CLOCK: variants seen among roughly 807,000 people sequenced by gnomAD.
The protein encoded by CLOCK is circadian locomoter output cycles protein kaput.
CLOCK carries 43 observed loss-of-function variants against 118.4 expected under a neutral mutation model. That is an observed-to-expected ratio of 0.36 (90% CI 0.28 to 0.47). The LOEUF (loss-of-function observed/expected upper bound fraction) is 0.47, where lower values mean the gene tolerates loss of function less well. CLOCK is among the 20% of genes least tolerant of loss of function. CLOCK has a pLI of 1.00. For missense variants in CLOCK, 846 were observed against 999.9 expected (o/e 0.85, Z 2.08); for synonymous variants, 326 against 339.2 (o/e 0.96, Z 0.43).
Position 55,530,829 on chromosome 4 carries a change from TA to T in CLOCK, c.-290+15952del, listed in dbSNP as rs1326599374. On this transcript the variant is annotated intron_variant, in intron 1 of 22. Coordinates refer to ENST00000513440, the MANE Select transcript of CLOCK (RefSeq NM_004898.4). ...TCCAGCTAAAAAAGGAAGAATGCTA[TA>T]AAAGAGGAAGATGTCGCATCTAAGA... 1.1e-4 allele frequency among the ~76,000 whole-genome samples: 10 copies of T among 91,768 alleles called. No individual in the cohort carries two copies. The South Asian group carries it at 3.4e-3, about 31-fold the overall frequency. 60.2% of individuals were successfully genotyped at this position (91,768 alleles called of 152,430 possible). A position where few individuals can be genotyped will look rare whatever the true frequency, so the allele number is the denominator to read the frequency against.
chr4:55,509,152 T>C (rs947700130), intron 2 of CLOCK, among the ~76,000 whole-genome samples: 1 of 152,194 alleles, frequency 6.6e-6, no homozygotes, highest in African/African-American at 2.4e-5. Flanking sequence ...ATGGCCATGA[T>C]GTTACCAGGC....
intron 1 of CLOCK, among the ~76,000 whole-genome samples, chr4:55,533,740 T>C (rs1359128898): frequency 6.6e-6 from 1 of 151,620 alleles, no homozygotes; most frequent in Non-Finnish European, 1.5e-5. Flanking sequence ...CCATCTCTAC[T>C]AATAGCACAA....
intron 2 of CLOCK, among the ~76,000 whole-genome samples, chr4:55,499,882 C>T (rs765007607): frequency 5.3e-5 from 8 of 152,130 alleles, no homozygotes; most frequent in Non-Finnish European, 8.8e-5. Flanking sequence ...AGGGAATCTC[C>T]CCCCAAACTA....
At chr4:55,491,538 C>T (rs888472393) in intron 2 of CLOCK, among the ~76,000 whole-genome samples, 17 of 151,830 alleles carry the variant, frequency 1.1e-4, no homozygotes, top group Non-Finnish European at 1.9e-4. Flanking sequence ...TTTGAGACAA[C>T]TCAATAAATA....
intron 4 of CLOCK, among the ~76,000 whole-genome samples, chr4:55,481,235 T>G (rs1435729599): frequency 6.6e-6 from 1 of 151,808 alleles, no homozygotes; most frequent in Non-Finnish European, 1.5e-5. Flanking sequence ...ATGGTGGAGG[T>G]GCATGTATGA....
In CLOCK at chr4:55,433,708, T is replaced by C. The variant is rs887648530; in HGVS notation, c.*1707A>G. On this transcript the variant is annotated 3_prime_UTR_variant, in exon 23 of 23. Coordinates refer to ENST00000513440, the MANE Select transcript of CLOCK (RefSeq NM_004898.4). ...TCCTCTTTTGTTCTATCACTGTAAA[T>C]TTCATTAGTACCATAAAATCTGTAA... 4 of 152,198 alleles carry C rather than the reference T, an allele frequency of 2.6e-5. No individual in the cohort carries two copies. The highest frequency in any genetic ancestry group is 7.2e-5 in the African/African-American group (3 of 41,444). 9.4% of individuals were successfully genotyped at this position (152,198 alleles called of 1,614,324 possible). A position where few individuals can be genotyped will look rare whatever the true frequency, so the allele number is the denominator to read the frequency against.
intron 2 of CLOCK, among the ~76,000 whole-genome samples, chr4:55,490,548 C>T (rs1189066017): frequency 6.6e-6 from 1 of 151,974 alleles, no homozygotes; most frequent in African/African-American, 2.4e-5. Context: ...TTCCAGGACC[C>T]CCCACCAAAT....
chr4:55,491,092 A>G (rs1224687333), intron 2 of CLOCK, among the ~76,000 whole-genome samples: 1 of 152,136 alleles, frequency 6.6e-6, no homozygotes, highest in Non-Finnish European at 1.5e-5. Flanking sequence ...GAAGACATCA[A>G]AAGAGAAATT....
chr4:55,543,706 A>G (rs1454614699), intron 1 of CLOCK, among the ~76,000 whole-genome samples: 2 of 151,988 alleles, frequency 1.3e-5, no homozygotes, highest in African/African-American at 4.8e-5. Context: ...TGAACCTGGG[A>G]GCCGGAGGTT....
intron 2 of CLOCK, among the ~76,000 whole-genome samples, chr4:55,497,380 T>C (rs904989339): frequency 5.3e-5 from 8 of 152,210 alleles, no homozygotes; most frequent in African/African-American, 1.9e-4. Flanking sequence ...GTTAACTGAT[T>C]AGCAACCTTA....
rs923627800 is a variant in CLOCK at position 55,453,789 on chromosome 4, TATA to T, written c.1015_1017del (p.Tyr339del). ...CACTGTTGCCCCTTAGTCAGGAACCTATAATAACATGATTTGCCTTTCCCATAT... is the reference window on the plus strand; with the variant it reads ...CACTGTTGCCCCTTAGTCAGGAACCTATAACATGATTTGCCTTTCCCATAT... On this transcript the variant is annotated inframe_deletion, in exon 14 of 23. Transcript: ENST00000513440. 5.0e-6 allele frequency: 8 copies of T among 1,607,862 alleles called. No individual in the cohort carries two copies. Among genetic ancestry groups the T allele is most frequent in the Non-Finnish European group, 6.8e-6 (8 of 1,176,728 alleles).
intron 2 of CLOCK, among the ~76,000 whole-genome samples, chr4:55,496,254 T>C (rs759297458): frequency 4.2e-5 from 6 of 143,844 alleles, no homozygotes; most frequent in African/African-American, 1.5e-4. Flanking sequence ...AACTTATTTA[T>C]GTTGGGTCTT....
chr4:55,544,165 GACAC>G (rs35842826), intron 1 of CLOCK, among the ~76,000 whole-genome samples: 96,281 of 148,070 alleles, frequency 0.65, 32,057 homozygotes, highest in East Asian at 0.81. Context: ...GAAACAACCA[GACAC>G]ACACACACAC....
In CLOCK at chr4:55,456,080, G is replaced by C. The variant is rs556366616; in HGVS notation, c.876-77C>G. The C allele has an allele frequency of 5.0e-5, 64 of 1,275,492 alleles. No homozygotes were observed. The East Asian group carries it at 5.7e-4, about 11-fold the overall frequency. 79.0% of individuals were successfully genotyped at this position (1,275,492 alleles called of 1,614,324 possible). ...TATTTCAACTAGAAATAAACTTTGGGGGGGGGGCTTTATTTTTCAAAAAAT... is the reference window on the plus strand; with the variant it reads ...TATTTCAACTAGAAATAAACTTTGGCGGGGGGGCTTTATTTTTCAAAAAAT... On this transcript the variant is annotated intron_variant, in intron 12 of 22. Transcript: ENST00000513440.
chr4:55,530,406 G>GC (rs1227366179), intron 1 of CLOCK, among the ~76,000 whole-genome samples: 2 of 152,122 alleles, frequency 1.3e-5, no homozygotes, highest in East Asian at 3.9e-4. Context: ...TATGACCCAG[G>GC]CCAAAGCTAT....
intron 1 of CLOCK, chr4:55,540,816 G>A (rs889677816): frequency 2.6e-5 from 4 of 152,184 alleles, no homozygotes; most frequent in African/African-American, 9.7e-5. Flanking sequence ...ACATGTCACA[G>A]CCAGATAGCC....
chr4:55,445,075 G>C (rs142185009), intron 18 of CLOCK, among the ~76,000 whole-genome samples: 1 of 134,994 alleles, frequency 7.4e-6, no homozygotes, highest in African/African-American at 2.6e-5. Context: ...GGTGCTTCTT[G>C]CTCTTATGTC....
rs567074464 is a variant in CLOCK, at chr4:55,488,223, T to C, written c.-44+1151A>G. On this transcript the variant is annotated intron_variant, in intron 3 of 22. Transcript: ENST00000513440. Reference sequence around the variant, plus strand: ...GTGACAGAATATTCTCCTGCTTTTGTACTCATCTTGCTGGCTGCTCCTTCT... The same window carrying C: ...GTGACAGAATATTCTCCTGCTTTTGCACTCATCTTGCTGGCTGCTCCTTCT... Among the ~76,000 whole-genome samples, 4 of 152,338 alleles carry C rather than the reference T, an allele frequency of 2.6e-5. No homozygotes were observed. The South Asian group carries it at 8.3e-4, about 32-fold the overall frequency.
chr4:55,542,286 G>A (rs1487214773), intron 1 of CLOCK, among the ~76,000 whole-genome samples: 1 of 150,504 alleles, frequency 6.6e-6, no homozygotes, highest in African/African-American at 2.5e-5. Flanking sequence ...GGAGGTTGCA[G>A]TGAGCTGAGA....
Sources: allele counts gnomAD v4.1 joint callset (sites outside exome capture counted in the v4.1 genomes callset), GRCh38; gene constraint gnomAD v4.1.1; transcripts MANE v1.5; gene names NCBI Gene and HGNC (gene_info 2026-07-23, HGNC 2026-07-21).